NUP93: variants seen among roughly 807,000 people sequenced by gnomAD.
NUP93 encodes nuclear pore complex protein Nup93.
NUP93 carries 55 observed loss-of-function variants against 107.8 expected under a neutral mutation model. The observed-to-expected ratio is 0.51, with a 90% CI of 0.41 to 0.64. The LOEUF (loss-of-function observed/expected upper bound fraction) is 0.64. Among genes scored for constraint, NUP93 ranks in the 30% least tolerant of loss-of-function variants. NUP93 has a pLI of 0.00. For synonymous variants in NUP93, 390 were observed against 397.5 expected (o/e 0.98, Z 0.22); for missense variants, 937 against 1,044.7 (o/e 0.90, Z 1.42).
intron 5 of NUP93, 62 bp downstream of exon 5, chr16:56,805,694 C>G (rs953826814): frequency 3.0e-5 from 46 of 1,529,650 alleles, no homozygotes; most frequent in Non-Finnish European, 3.9e-5. Flanking sequence ...GAATACTTGT[C>G]TACTTGACTA....
chr16:56,808,134 ATATT>A (rs1432379868), intron 5 of NUP93, among the ~76,000 whole-genome samples: 3 of 112,002 alleles, frequency 2.7e-5, no homozygotes, highest in East Asian at 2.7e-4. Context: ...CTATATAAAT[ATATT>A]TATATAACTA....
In NUP93 at chr16:56,823,773, G is replaced by T; in HGVS notation, c.721G>T (p.Ala241Ser). The T allele has an allele frequency of 6.2e-7, 1 of 1,614,188 alleles. No individual in the cohort carries two copies. The highest frequency in any genetic ancestry group is 1.7e-5 in the Admixed American group (1 of 60,026). ...CGTGTTGTTGACACCGGCAACGGAT[G>T]CCCTGAAGAACCGCAGCAGCGTGGA... ...TDVLLTPATD[A>S]LKNRSSVEVR... Residue 241 changes from alanine to serine, a missense_variant, in exon 8 of 22, where the codon GCC becomes TCC. Transcript: ENST00000308159.
chr16:56,821,835 G>C lies in NUP93; in HGVS notation c.654+242G>C, dbSNP rs1048386282. Among the ~76,000 whole-genome samples, 3 of 151,554 alleles carry C rather than the reference G, an allele frequency of 2.0e-5. No individual in the cohort carries two copies. The Admixed American group carries it at 2.0e-4, about 10-fold the overall frequency. ...TAGTCACAAGAGTTCTCTTCAAGCC[G>C]TATTTGCTTTGAAGTCCCATCAGGC... On this transcript the variant is annotated intron_variant, in intron 7 of 21. Transcript: ENST00000308159.
At chr16:56,777,796 C>T (rs1338441259) in intron 3 of NUP93, among the ~76,000 whole-genome samples, 9 of 152,152 alleles carry the variant, frequency 5.9e-5, no homozygotes, top group Admixed American at 3.9e-4. Flanking sequence ...GGCCAAGAAC[C>T]GCCTTAGTAT....
At chr16:56,758,368 G>C (rs1486918588) in intron 2 of NUP93, among the ~76,000 whole-genome samples, 170 bp from the exon 3 acceptor site, 1 of 152,114 alleles carries the variant, frequency 6.6e-6, no homozygotes, top group African/African-American at 2.4e-5. Flanking sequence ...TCTTATTCCA[G>C]GTGATGTCTA....
chr16:56,775,615 G>A (rs1313349361), intron 3 of NUP93, among the ~76,000 whole-genome samples: 1 of 152,140 alleles, frequency 6.6e-6, no homozygotes, highest in African/African-American at 2.4e-5. Context: ...AATAAAACTG[G>A]GCCATTGTTT....
At position 56,808,737 on chromosome 16, in the gene NUP93, A is replaced by AAATATATAT. The variant is rs1555495117; in HGVS notation, c.489+3107_489+3108insTATATATAA. On this transcript the variant is annotated intron_variant, in intron 5 of 21. Transcript: ENST00000308159. ...TATAAATATATATAAATACATATATAAAATACATATATAAATATATAAAAA... is the reference window on the plus strand; with the variant it reads ...TATAAATATATATAAATACATATATAAATATATATAAATACATATATAAATATATAAAAA... 1.1e-3 allele frequency among the ~76,000 whole-genome samples: 3 copies of AAATATATAT among 2,702 alleles called. No individual in the cohort carries two copies. In the African/African-American group the frequency reaches 0.043, roughly 39 times the overall value. 1.8% of individuals were successfully genotyped at this position (2,702 alleles called of 152,430 possible).
chr16:56,733,973 C>T (rs1961573232), intron 1 of NUP93, among the ~76,000 whole-genome samples: 2 of 152,212 alleles, frequency 1.3e-5, no homozygotes, highest in South Asian at 2.1e-4. Context: ...AAGTTATAGT[C>T]TTCTCTTCCT....
At chr16:56,809,134 G>A (rs1271873269) in intron 5 of NUP93, among the ~76,000 whole-genome samples, 1 of 152,078 alleles carries the variant, frequency 6.6e-6, no homozygotes, top group Non-Finnish European at 1.5e-5. Context: ...ACATCCAGGA[G>A]CAGCAAAAAA....
intron 3 of NUP93, among the ~76,000 whole-genome samples, chr16:56,786,480 T>C (rs1962630658): frequency 1.3e-5 from 2 of 152,238 alleles, no homozygotes; most frequent in South Asian, 2.1e-4. Context: ...ATCTAATGGA[T>C]TGAGCTTTCA....
At chr16:56,799,932 C>T (rs1962984666) in intron 4 of NUP93, among the ~76,000 whole-genome samples, 1 of 152,174 alleles carries the variant, frequency 6.6e-6, no homozygotes, top group Non-Finnish European at 1.5e-5. Context: ...CCTGTAATCC[C>T]AGCAATTTGG....
At chr16:56,787,367 A>G (rs1962651205) in intron 3 of NUP93, among the ~76,000 whole-genome samples, 1 of 152,210 alleles carries the variant, frequency 6.6e-6, no homozygotes, top group East Asian at 1.9e-4. Flanking sequence ...ACCGTATACC[A>G]GCAGGGAAAT....
intron 1 of NUP93, among the ~76,000 whole-genome samples, chr16:56,744,452 A>C (rs1456970037): frequency 1.3e-5 from 2 of 152,218 alleles, no homozygotes; most frequent in Non-Finnish European, 2.9e-5. Flanking sequence ...GTATAGATTT[A>C]ATTGCACAAT....
At chr16:56,759,974 C>A (rs1014433756) in intron 3 of NUP93, among the ~76,000 whole-genome samples, 1 of 152,078 alleles carries the variant, frequency 6.6e-6, no homozygotes, top group Admixed American at 6.6e-5. Flanking sequence ...TCATGCATTT[C>A]GAGTGATGTG....
In NUP93 at chr16:56,830,536, G is replaced by A. The variant is rs1194628099; in HGVS notation, c.936G>A (p.Glu312=). ...PAPLPGLQDG[E]VEGHPVWALI... ...AACTGTTCCTCTTTTAGGATGGAGAGGTGGAAGGCCATCCTGTGTGGGCGC... is the reference window on the plus strand; with the variant it reads ...AACTGTTCCTCTTTTAGGATGGAGAAGTGGAAGGCCATCCTGTGTGGGCGC... Residue 312 remains glutamate (E), a synonymous_variant, in exon 10 of 22, where the codon GAG becomes GAA. Coordinates refer to ENST00000308159, the MANE Select transcript of NUP93 (RefSeq NM_014669.5). 6.3e-7 allele frequency: 1 copy of A among 1,581,454 alleles called. No individual in the cohort carries two copies. The highest frequency in any genetic ancestry group is 1.1e-5 in the South Asian group (1 of 88,768).
chr16:56,783,637 C>G (rs1463307773), intron 3 of NUP93: 1 of 985,236 alleles, frequency 1.0e-6, no homozygotes, highest in Admixed American at 6.2e-5. Context: ...ATCAGAGCTC[C>G]TTAATTTAAT....
Position 56,758,690 on chromosome 16 carries a change from A to G in NUP93, c.297+35A>G, listed in dbSNP as rs1163487933. ...GCCAAGTGCAGGTGGAACCCAGAGC[A>G]TATAACCCAGGCTGAAGACCCTGGC... On this transcript the variant is annotated intron_variant, in intron 3 of 21. Transcript: ENST00000308159. The G allele has an allele frequency of 4.1e-6, 6 of 1,476,992 alleles. No individual in the cohort carries two copies. The East Asian group carries it at 9.1e-5, about 22-fold the overall frequency. The allele number at this position is 1,476,992 out of a possible 1,614,324, so 91.5% of individuals were successfully genotyped here.
At chr16:56,812,430 G>A (rs922295404) in intron 5 of NUP93, among the ~76,000 whole-genome samples, 11 of 151,712 alleles carry the variant, frequency 7.3e-5, no homozygotes, top group African/African-American at 2.4e-4. Flanking sequence ...TGCAAGCTCC[G>A]CCTCCCGGGT....
At chr16:56,812,189 G>A (rs945032052) in intron 5 of NUP93, among the ~76,000 whole-genome samples, 2 of 152,152 alleles carry the variant, frequency 1.3e-5, no homozygotes, top group African/African-American at 4.8e-5. Flanking sequence ...AATATAAAGA[G>A]AGGCTCAAAG....
Sources: allele counts gnomAD v4.1 joint callset (sites outside exome capture counted in the v4.1 genomes callset), GRCh38; gene constraint gnomAD v4.1.1; transcripts MANE v1.5; gene names NCBI Gene and HGNC (gene_info 2026-07-23, HGNC 2026-07-21).